Variants in KIF26B observed in about 807,000 individuals in gnomAD.
KIF26B encodes the protein kinesin family member 26B, also known as kinesin-like protein KIF26B.
Under a neutral mutation model 151.2 loss-of-function variants are expected in KIF26B, and 63 were observed. The ratio of observed to expected loss-of-function variants is 0.42; its 90% confidence interval spans 0.34 to 0.51. The LOEUF (loss-of-function observed/expected upper bound fraction) is 0.51, where lower values mean the gene tolerates loss of function less well. Ranked by LOEUF, KIF26B falls within the 20% of genes least tolerant of loss-of-function variation. KIF26B has a pLI of 0.07. For synonymous variants in KIF26B, 1,357 were observed against 1,262.1 expected (o/e 1.08, Z -1.59); for missense variants, 2,813 against 2,913.6 (o/e 0.97, Z 0.79).
chr1:245,316,991 A>T (rs975244662), intron 2 of KIF26B, among the ~76,000 whole-genome samples: 1 of 151,788 alleles, frequency 6.6e-6, no homozygotes, highest in Non-Finnish European at 1.5e-5. Context: ...TGCATATTGG[A>T]TCTGTTACAC....
At chr1:245,559,129 T>C (rs1169546117) in intron 5 of KIF26B, among the ~76,000 whole-genome samples, 1 of 152,178 alleles carries the variant, frequency 6.6e-6, no homozygotes, top group Non-Finnish European at 1.5e-5. Context: ...GAAGGATCGC[T>C]TGAGCCCAAA....
Position 245,495,852 on chromosome 1 carries a change from C to A in KIF26B, c.1167-44915C>A, listed in dbSNP as rs552971010. Among the ~76,000 whole-genome samples, 107 of 152,222 alleles carry A rather than the reference C, an allele frequency of 7.0e-4. No homozygotes were observed. The highest frequency in any genetic ancestry group is 1.3e-3 in the Non-Finnish European group (88 of 68,004). ...AAAAAATTCATTATTTTTAAAGGAG[C>A]AACACTAAGACAGTAACTCATTTCT... is the stretch of plus-strand genomic sequence containing the variant. On this transcript the variant is annotated intron_variant, in intron 4 of 14. Transcript: ENST00000407071. This position sits in a 1 kb window ranked among gnomAD's most constrained non-coding sequence, Gnocchi z 4.2.
At chr1:245,379,609 A>G (rs1017167142) in intron 3 of KIF26B, among the ~76,000 whole-genome samples, 5 of 151,138 alleles carry the variant, frequency 3.3e-5, no homozygotes, top group Admixed American at 2.0e-4. Context: ...TCTTTTATGT[A>G]TTTATAAAAT....
At chr1:245,381,429 T>C (rs1215251308) in intron 3 of KIF26B, among the ~76,000 whole-genome samples, 1 of 152,238 alleles carries the variant, frequency 6.6e-6, no homozygotes, top group Non-Finnish European at 1.5e-5. Flanking sequence ...CAGGATGGCT[T>C]TGAACGCAGC....
intron 9 of KIF26B, among the ~76,000 whole-genome samples, chr1:245,627,159 A>G (rs1160228368): frequency 6.6e-6 from 1 of 152,154 alleles, no homozygotes; most frequent in East Asian, 1.9e-4. Flanking sequence ...TTTTGAAGTC[A>G]GCTAGTGTGA....
intron 10 of KIF26B, among the ~76,000 whole-genome samples, chr1:245,648,403 C>T (rs999585399): frequency 1.1e-4 from 17 of 152,044 alleles, no homozygotes; most frequent in South Asian, 2.1e-4. Context: ...ATTCCTGGCA[C>T]TTTGGGAGGC....
At chr1:245,402,164 T>G (rs1455780309) in intron 3 of KIF26B, among the ~76,000 whole-genome samples, 1 of 152,182 alleles carries the variant, frequency 6.6e-6, no homozygotes, top group African/African-American at 2.4e-5. Flanking sequence ...AGTATTCTAA[T>G]TTAGCTTCTG....
rs983989216 is a variant in KIF26B, at chr1:245,698,561, TG to T, written c.6027+258del. Reference sequence around the variant, plus strand: ...GCCAGGGGTCGGGGGCTGGTGATCTTGGGGGCTTTTCTGGCTCCTTGAGGCT... The same window carrying T: ...GCCAGGGGTCGGGGGCTGGTGATCTTGGGGCTTTTCTGGCTCCTTGAGGCT... On this transcript the variant is annotated intron_variant, in intron 13 of 14. Coordinates refer to ENST00000407071, the MANE Select transcript of KIF26B (RefSeq NM_018012.4). The surrounding 1 kb of genome is among the most constrained non-coding windows in gnomAD (Gnocchi z 4.0). Among the ~76,000 whole-genome samples, 11 of 152,160 alleles carry T rather than the reference TG, an allele frequency of 7.2e-5. No homozygotes were observed. The highest frequency in any genetic ancestry group is 2.7e-4 in the African/African-American group (11 of 41,442).
chr1:245,486,308 A>G (rs1660278874), intron 4 of KIF26B, among the ~76,000 whole-genome samples: 1 of 152,236 alleles, frequency 6.6e-6, no homozygotes, highest in South Asian at 2.1e-4. Flanking sequence ...AAAGGAGGGA[A>G]GAAAAGCATC....
intron 10 of KIF26B, among the ~76,000 whole-genome samples, chr1:245,675,919 G>GAAGA (rs928613875): frequency 2.0e-4 from 31 of 152,272 alleles, no homozygotes; most frequent in African/African-American, 7.5e-4. Flanking sequence ...AAGTTTAATA[G>GAAGA]AAGAAAGAGC....
intron 10 of KIF26B, among the ~76,000 whole-genome samples, chr1:245,663,759 C>T (rs1425547032): frequency 2.6e-5 from 4 of 152,026 alleles, no homozygotes; most frequent in Non-Finnish European, 5.9e-5. Context: ...GACCAGGGTT[C>T]GCAATTCTCA....
intron 4 of KIF26B, among the ~76,000 whole-genome samples, chr1:245,518,382 A>C (rs1360710606): frequency 6.6e-6 from 1 of 152,194 alleles, no homozygotes; most frequent in Admixed American, 6.5e-5. Flanking sequence ...CTACTTGTTC[A>C]TGTTGTACCT....
At chr1:245,442,675 A>AGTCATCTCCCTCACTGTTCACCTAGAGCT (rs1428633357) in intron 4 of KIF26B, among the ~76,000 whole-genome samples, 215 of 139,854 alleles carry the variant, frequency 1.5e-3, no homozygotes, top group Non-Finnish European at 1.8e-3. Context: ...TTCACCCTGC[A>AGTCATCTCCCTCACTGTTCACCTAGAGCT]GTCATCTCCC....
chr1:245,365,981 A>G (rs1166067499), intron 2 of KIF26B, among the ~76,000 whole-genome samples: 1 of 152,222 alleles, frequency 6.6e-6, no homozygotes, highest in African/African-American at 2.4e-5. Flanking sequence ...AATCCATTAA[A>G]TGCTTCTGTT....
intron 2 of KIF26B, among the ~76,000 whole-genome samples, chr1:245,197,489 T>A (rs1273909726): frequency 6.6e-6 from 1 of 152,106 alleles, no homozygotes; most frequent in Non-Finnish European, 1.5e-5. Flanking sequence ...TTTGTTTTTT[T>A]TACACACATC....
chr1:245,350,806 C>T (rs745319978), intron 2 of KIF26B, among the ~76,000 whole-genome samples: 64 of 152,284 alleles, frequency 4.2e-4, no homozygotes, highest in Admixed American at 1.1e-3. Context: ...TGCTTTGAGA[C>T]AATTCCAAGA....
At chr1:245,248,525 A>T (rs1183944440) in intron 2 of KIF26B, among the ~76,000 whole-genome samples, 1 of 152,144 alleles carries the variant, frequency 6.6e-6, no homozygotes, top group Non-Finnish European at 1.5e-5. Context: ...CTAACTATTA[A>T]TCATGGTCAC....
chr1:245,505,743 C>A (rs935116528), intron 4 of KIF26B, among the ~76,000 whole-genome samples: 1 of 152,218 alleles, frequency 6.6e-6, no homozygotes, highest in Non-Finnish European at 1.5e-5. Flanking sequence ...TTCCTTCTGT[C>A]TGAACAATGT....
rs2043134365 is a variant in KIF26B, at chr1:245,577,650, C to CGG, written c.1351-24927_1351-24926insGG. Among the ~76,000 whole-genome samples, 10 of 149,104 alleles carry CGG rather than the reference C, an allele frequency of 6.7e-5. No individual in the cohort carries two copies. In the South Asian group the frequency reaches 2.0e-3, roughly 29 times the overall value. ...CTACACGGAAGAGCTTTGTGGAACT[C>CGG]CAGGCGATGCATCTCCTCACCGGAA... On this transcript the variant is annotated intron_variant, in intron 5 of 14. Transcript: ENST00000407071.
Sources: gnomAD v4.1 joint callset for allele counts (sites outside exome capture counted in the v4.1 genomes callset) on GRCh38, gnomAD v4.1.1 for gene constraint, Gnocchi (gnomAD v3.1) non-coding constraint, MANE v1.5 for transcripts, NCBI Gene and HGNC (gene_info 2026-07-23, HGNC 2026-07-21) for gene names.